PSD3: variants seen among roughly 807,000 people sequenced by gnomAD.
PSD3 encodes PH and SEC7 domain-containing protein 3.
A neutral mutation model predicts 105.5 loss-of-function variants in PSD3; 49 were observed. That is an observed-to-expected ratio of 0.46 (90% CI 0.37 to 0.59). The LOEUF (loss-of-function observed/expected upper bound fraction) is 0.59, where lower values mean the gene tolerates loss of function less well. Among genes scored for constraint, PSD3 ranks in the 20% least tolerant of loss-of-function variants. PSD3 has a pLI of 0.00. For synonymous variants in PSD3, 557 were observed against 457.8 expected (o/e 1.22, Z -2.77); for missense variants, 1,561 against 1,263.8 (o/e 1.24, Z -3.57).
intron 4 of PSD3, among the ~76,000 whole-genome samples, chr8:18,816,360 C>T (rs887829754): frequency 6.6e-6 from 1 of 152,162 alleles, no homozygotes; most frequent in Non-Finnish European, 1.5e-5. Context: ...GACCATTCTG[C>T]CAGCAGGAGG....
At chr8:18,816,453 C>T (rs1273622997) in intron 4 of PSD3, among the ~76,000 whole-genome samples, 1 of 152,132 alleles carries the variant, frequency 6.6e-6, no homozygotes, top group Admixed American at 6.5e-5. Flanking sequence ...GCTTTCTAAC[C>T]GATATTACTA....
intron 8 of PSD3, among the ~76,000 whole-genome samples, chr8:18,785,534 C>T (rs1043870493): frequency 1.3e-5 from 2 of 152,178 alleles, no homozygotes; most frequent in African/African-American, 2.4e-5. Flanking sequence ...ATCTACACCA[C>T]CAAAACTTGC....
At chr8:18,840,525 CAG>C (rs1814533980) in intron 4 of PSD3, among the ~76,000 whole-genome samples, 6 of 152,204 alleles carry the variant, frequency 3.9e-5, no homozygotes, top group Non-Finnish European at 5.9e-5. Flanking sequence ...TCCGATATTC[CAG>C]GTTGGTCTAA....
At chr8:18,844,335 T>C (rs1016039197) in intron 4 of PSD3, among the ~76,000 whole-genome samples, 2 of 152,168 alleles carry the variant, frequency 1.3e-5, no homozygotes, top group Non-Finnish European at 2.9e-5. Context: ...TTGTATTTCA[T>C]TAATATATAA....
intron 1 of PSD3, among the ~76,000 whole-genome samples, chr8:19,011,394 T>C (rs552561301): frequency 6.6e-6 from 1 of 152,316 alleles, no homozygotes; most frequent in South Asian, 2.1e-4. Context: ...TTCAATGTAA[T>C]GCCACGCTAA....
At chr8:18,964,276 T>C (rs1449282446) in intron 1 of PSD3, among the ~76,000 whole-genome samples, 1 of 152,152 alleles carries the variant, frequency 6.6e-6, no homozygotes, top group East Asian at 1.9e-4. Flanking sequence ...TGTGCCACCA[T>C]GCCTGGCTAA....
intron 4 of PSD3, among the ~76,000 whole-genome samples, chr8:18,838,469 G>T (rs1432774376): frequency 1.3e-5 from 2 of 151,958 alleles, no homozygotes; most frequent in African/African-American, 4.8e-5. Flanking sequence ...AATGAAGTTG[G>T]GGCAACTGAG....
chr8:18,980,720 T>C (rs1825208095), intron 1 of PSD3, among the ~76,000 whole-genome samples: 1 of 152,138 alleles, frequency 6.6e-6, no homozygotes, highest in Non-Finnish European at 1.5e-5. Flanking sequence ...TTCATTATCC[T>C]AGAAATTACA....
chr8:18,641,421 C>T (rs148681844), intron 10 of PSD3, among the ~76,000 whole-genome samples: 19 of 152,254 alleles, frequency 1.2e-4, no homozygotes, highest in African/African-American at 3.8e-4. Flanking sequence ...GTAGGGGAAA[C>T]AGATACACAA....
chr8:18,626,430 A>G (rs541500642), intron 11 of PSD3, among the ~76,000 whole-genome samples: 1 of 152,276 alleles, frequency 6.6e-6, no homozygotes, highest in South Asian at 2.1e-4. Context: ...TACAAATGTA[A>G]TATAGGTCTA....
intron 9 of PSD3, among the ~76,000 whole-genome samples, chr8:18,694,745 A>G (rs1448740055): frequency 1.3e-5 from 2 of 152,036 alleles, no homozygotes; most frequent in African/African-American, 4.8e-5. Context: ...GGAGGCCAAG[A>G]CAGGCGGATC....
At chr8:18,801,025 C>T (rs1810633735) in intron 7 of PSD3, 1 of 297,294 alleles carries the variant, frequency 3.4e-6, no homozygotes, top group Admixed American at 4.9e-5. Flanking sequence ...AAATATTATG[C>T]TTTTAAAGAA....
chr8:18,677,970 A>G (rs1800163328), intron 9 of PSD3, among the ~76,000 whole-genome samples: 1 of 150,318 alleles, frequency 6.7e-6, no homozygotes, highest in Non-Finnish European at 1.5e-5. Context: ...AGATCAGGCC[A>G]CTGCACTCCA....
rs1031516543 is a variant in PSD3, at chr8:18,724,883, C to T, written c.2172+40566G>A. 8.6e-5 allele frequency among the ~76,000 whole-genome samples: 13 copies of T among 151,918 alleles called. No homozygotes were observed. In the East Asian group the frequency reaches 9.7e-4, roughly 11 times the overall value. ...GAGAAATATGTGGTCAAAGAACAAT[C>T]GTAACAACTAGATGGGAACAATGGG... On this transcript the variant is annotated intron_variant, in intron 9 of 15. Coordinates refer to ENST00000327040, the MANE Select transcript of PSD3 (RefSeq NM_015310.4).
intron 9 of PSD3, among the ~76,000 whole-genome samples, chr8:18,698,552 G>T (rs1207680891): frequency 6.6e-6 from 1 of 152,082 alleles, no homozygotes; most frequent in Non-Finnish European, 1.5e-5. Flanking sequence ...CTTAGAAGCT[G>T]GAAAAGACAA....
At chr8:18,568,147 G>A (rs750814447) in intron 14 of PSD3, among the ~76,000 whole-genome samples, 26 of 152,060 alleles carry the variant, frequency 1.7e-4, no homozygotes, top group Non-Finnish European at 3.2e-4. Flanking sequence ...GCAGAACCGT[G>A]AGCCAAATAA....
At chr8:18,580,512 T>A (rs2465879) in intron 12 of PSD3, among the ~76,000 whole-genome samples, 71,975 of 151,762 alleles carry the variant, frequency 0.47, 17,292 homozygotes, top group Middle Eastern at 0.6. Flanking sequence ...ATCGCACCAC[T>A]GTGTTCCAGC....
At chr8:18,858,561 T>C (rs1418795566) in intron 4 of PSD3, among the ~76,000 whole-genome samples, 1 of 152,222 alleles carries the variant, frequency 6.6e-6, no homozygotes, top group African/African-American at 2.4e-5. Context: ...CAAAACTTTT[T>C]TTTTTCAAAG....
At position 19,013,622 on chromosome 8, in the gene PSD3, C is replaced by T; in HGVS notation, c.-39G>A. ...CCCGGCCGCGCGCCGAAACCGCCGC[C>T]GGGCGCTCCGGGGCCGCAGCCTCAG... On this transcript the variant is annotated 5_prime_UTR_variant, in exon 1 of 16. Coordinates refer to ENST00000327040, the MANE Select transcript of PSD3 (RefSeq NM_015310.4). The T allele has an allele frequency of 7.2e-7, 1 of 1,381,676 alleles. No homozygotes were observed. The highest frequency in any genetic ancestry group is 1.6e-5 in the South Asian group (1 of 63,194). The allele number at this position is 1,381,676 out of a possible 1,614,324, so 85.6% of individuals were successfully genotyped here.
Sources: gnomAD v4.1 joint callset for allele counts (sites outside exome capture counted in the v4.1 genomes callset) on GRCh38, gnomAD v4.1.1 for gene constraint, MANE v1.5 for transcripts, NCBI Gene and HGNC (gene_info 2026-07-23, HGNC 2026-07-21) for gene names.